Variants in FRMPD4 observed in about 807,000 individuals in gnomAD.
The protein encoded by FRMPD4 is FERM and PDZ domain containing 4.
A neutral mutation model predicts 94.1 loss-of-function variants in FRMPD4; 22 were observed. The observed-to-expected ratio is 0.23, with a 90% confidence interval of 0.17 to 0.33. FRMPD4 has a LOEUF of 0.33. Ranked by LOEUF, FRMPD4 falls within the 10% of genes least tolerant of loss-of-function variation. FRMPD4 has a pLI of 1.00. For synonymous variants in FRMPD4, 631 were observed against 548.6 expected (o/e 1.15, Z -2.10); for missense variants, 1,111 against 1,339.9 (o/e 0.83, Z 2.67).
At chrX:12,101,829 T>C (rs1306485951) in intron 3 of FRMPD4, among the ~76,000 whole-genome samples, 1 of 112,062 alleles carries the variant, frequency 8.9e-6, no homozygotes, top group African/African-American at 3.2e-5. Context: ...TTTTGGTCCT[T>C]ATTTTCTAGT....
At chrX:11,825,869 G>A (rs2053441071) in intron 1 of FRMPD4, among the ~76,000 whole-genome samples, 1 of 112,316 alleles carries the variant, frequency 8.9e-6, no homozygotes, top group African/African-American at 3.2e-5. Flanking sequence ...TCAAATAAAA[G>A]CTAAGACTAT....
intron 2 of FRMPD4, among the ~76,000 whole-genome samples, chrX:12,524,421 G>A (rs1043144482): frequency 1.7e-4 from 19 of 111,572 alleles, no homozygotes; most frequent in Non-Finnish European, 2.8e-4. Flanking sequence ...CAAAACAATG[G>A]CCTCCTATAA....
chrX:12,226,798 A>G (rs1601715252), intron 1 of FRMPD4, among the ~76,000 whole-genome samples: 1 of 111,206 alleles, frequency 9.0e-6, no homozygotes, highest in Admixed American at 9.6e-5. Context: ...CAGTAATCAC[A>G]TCTACCCTTT....
chrX:12,112,375 C>T (rs1222461855), intron 3 of FRMPD4, among the ~76,000 whole-genome samples: 6 of 110,516 alleles, frequency 5.4e-5, no homozygotes. Flanking sequence ...AATGAGAACA[C>T]TTGGACACAG....
chrX:12,626,595 GC>G (rs1371651190), intron 4 of FRMPD4, among the ~76,000 whole-genome samples: 1 of 98,573 alleles, frequency 1.0e-5, no homozygotes, highest in Non-Finnish European at 2.0e-5. Context: ...GCTGTAACTG[GC>G]CTTTAGAACC....
chrX:12,383,931 G>A (rs2056362028), intron 1 of FRMPD4, among the ~76,000 whole-genome samples: 1 of 111,351 alleles, frequency 9.0e-6, no homozygotes, highest in Non-Finnish European at 1.9e-5. Flanking sequence ...ACCCTTTTAA[G>A]TTACAGGTGA....
chrX:11,908,885 A>C (rs2053982174), intron 3 of FRMPD4, among the ~76,000 whole-genome samples: 2 of 111,727 alleles, frequency 1.8e-5, no homozygotes, highest in Admixed American at 1.9e-4. Flanking sequence ...TATATGTTAC[A>C]TCTTGCATTT....
intron 1 of FRMPD4, among the ~76,000 whole-genome samples, chrX:12,364,787 A>G (rs2056050038): frequency 8.9e-6 from 1 of 112,201 alleles, no homozygotes; most frequent in Non-Finnish European, 1.9e-5. Context: ...TACCACCAAC[A>G]AAGCCATAGA....
At chrX:12,126,998 G>T (rs2055506000) in intron 3 of FRMPD4, among the ~76,000 whole-genome samples, 2 of 112,109 alleles carry the variant, frequency 1.8e-5, no homozygotes, top group Non-Finnish European at 3.8e-5. Flanking sequence ...GAACCCCATT[G>T]CCTACTAAAA....
At chrX:12,302,790 T>G (rs1386976252) in intron 1 of FRMPD4, among the ~76,000 whole-genome samples, 4 of 112,251 alleles carry the variant, frequency 3.6e-5, no homozygotes, top group Non-Finnish European at 7.5e-5. Context: ...ATTTAAAAAT[T>G]TATAACCAGT....
chrX:12,436,091 C>T (rs181815169), intron 1 of FRMPD4, among the ~76,000 whole-genome samples: 65 of 111,178 alleles, frequency 5.8e-4, no homozygotes, highest in Admixed American at 3.5e-3. Context: ...CTGCAACCTC[C>T]GCCTCCCGGG....
chrX:11,858,275 C>A (rs998979671), intron 1 of FRMPD4, among the ~76,000 whole-genome samples: 1 of 111,474 alleles, frequency 9.0e-6, no homozygotes, highest in African/African-American at 3.3e-5. Flanking sequence ...CAGCACTATT[C>A]ACAATAGCAA....
At chrX:12,540,457 A>C (rs2058395311) in intron 2 of FRMPD4, among the ~76,000 whole-genome samples, 1 of 111,931 alleles carries the variant, frequency 8.9e-6, no homozygotes, top group African/African-American at 3.3e-5. Flanking sequence ...CTGATAAAAC[A>C]GACTTTAAAT....
chrX:11,886,285 T>A (rs940761899), intron 3 of FRMPD4, among the ~76,000 whole-genome samples: 2 of 111,595 alleles, frequency 1.8e-5, no homozygotes, highest in East Asian at 2.8e-4. Context: ...AACTAAGGAG[T>A]CTTCTGTCTC....
At chrX:12,397,766 T>G (rs964508299) in intron 1 of FRMPD4, among the ~76,000 whole-genome samples, 1 of 111,064 alleles carries the variant, frequency 9.0e-6, no homozygotes, top group African/African-American at 3.3e-5. Context: ...ATAATGTGAA[T>G]TTTTCCAGAA....
intron 1 of FRMPD4, among the ~76,000 whole-genome samples, chrX:12,246,855 T>C (rs897914479): frequency 3.6e-5 from 4 of 111,538 alleles, no homozygotes; most frequent in African/African-American, 1.3e-4. Flanking sequence ...CAAGATAAGA[T>C]TCTTATAATT....
At chrX:11,989,047 A>G (rs2054449302) in intron 3 of FRMPD4, among the ~76,000 whole-genome samples, 1 of 112,065 alleles carries the variant, frequency 8.9e-6, no homozygotes, top group African/African-American at 3.2e-5. Flanking sequence ...GACAGTTTGG[A>G]TGTTCCTTAA....
At position 12,394,587 on chromosome X, in the gene FRMPD4, C is replaced by G. The variant is rs756630846; in HGVS notation, c.42-104093C>G. 4.5e-5 allele frequency among the ~76,000 whole-genome samples: 5 copies of G among 111,234 alleles called. No homozygotes were observed. In the East Asian group the frequency reaches 1.4e-3, roughly 31 times the overall value. On this transcript the variant is annotated intron_variant, in intron 1 of 16. Transcript: ENST00000675598. Reference sequence around the variant, plus strand: ...GGGTGTTAGTGATGATAATTCTCTCCCTGTCTTTCTCATTTGTCTATATAT... The same window carrying G: ...GGGTGTTAGTGATGATAATTCTCTCGCTGTCTTTCTCATTTGTCTATATAT...
chrX:12,441,161 G>A (rs906681711), intron 1 of FRMPD4, among the ~76,000 whole-genome samples: 16 of 111,772 alleles, frequency 1.4e-4, no homozygotes, highest in African/African-American at 5.2e-4. Flanking sequence ...ACTTACAATC[G>A]CCAGCCCTTG....
Sources: gnomAD v4.1 joint callset for allele counts (sites outside exome capture counted in the v4.1 genomes callset) on GRCh38, gnomAD v4.1.1 for gene constraint, MANE v1.5 for transcripts, NCBI Gene and HGNC (gene_info 2026-07-23, HGNC 2026-07-21) for gene names.